Variants in SPATA6 observed in about 807,000 individuals in gnomAD.
The protein encoded by SPATA6 is spermatogenesis-associated protein 6.
SPATA6 carries 56 observed loss-of-function variants against 65.3 expected under a neutral mutation model. That is an observed-to-expected ratio of 0.86 (90% CI 0.69 to 1.07). The LOEUF is 1.07. Ranked by LOEUF, SPATA6 falls within the 50% of genes least tolerant of loss-of-function variation. The probability of loss-of-function intolerance (pLI) is 0.00; values close to 1 mark genes in which losing one functional copy is unlikely to be tolerated. For missense variants in SPATA6, 590 were observed against 594.8 expected, an observed-to-expected ratio of 0.99 and a Z score of 0.08; for synonymous variants, 199 against 213.2, an observed-to-expected ratio of 0.93 and a Z score of 0.58.
At chr1:48,456,022 G>A (rs1656974556) in intron 1 of SPATA6, among the ~76,000 whole-genome samples, 1 of 152,180 alleles carries the variant, frequency 6.6e-6, no homozygotes, top group Admixed American at 6.5e-5. Context: ...TGGCAATTTA[G>A]AAGAGCATGC....
rs996993551 is a variant in SPATA6, at chr1:48,440,256, C to T, written c.238+11296G>A. Among the ~76,000 whole-genome samples, 12 of 152,304 alleles carry T rather than the reference C, an allele frequency of 7.9e-5. No individual in the cohort carries two copies. The South Asian group carries it at 2.5e-3, about 32-fold the overall frequency. On this transcript the variant is annotated intron_variant, in intron 3 of 12. Transcript: ENST00000371847. ...CATGTCCCCTTCTCCCTCTGATTTACAGCAGATCAAGGCAGACCTGGGGAA... is the reference window on the plus strand; with the variant it reads ...CATGTCCCCTTCTCCCTCTGATTTATAGCAGATCAAGGCAGACCTGGGGAA...
At chr1:48,381,662 T>TTA (rs1648614293) in intron 9 of SPATA6, among the ~76,000 whole-genome samples, 1 of 144,324 alleles carries the variant, frequency 6.9e-6, no homozygotes, top group South Asian at 2.2e-4. Context: ...TTTTTTTTTT[T>TTA]TATATGAATA....
At chr1:48,319,046 G>C (rs1439186508) in intron 11 of SPATA6, among the ~76,000 whole-genome samples, 1 of 152,082 alleles carries the variant, frequency 6.6e-6, no homozygotes, top group Non-Finnish European at 1.5e-5. Context: ...ATGGTGCTGT[G>C]ACAACCAGAT....
At chr1:48,413,319 C>A (rs1652445144) in intron 3 of SPATA6, among the ~76,000 whole-genome samples, 168 bp from the exon 4 acceptor site, 1 of 149,154 alleles carries the variant, frequency 6.7e-6, no homozygotes, top group African/African-American at 2.5e-5. Context: ...GAGACAGGGT[C>A]TCACTCTGTC....
At chr1:48,369,285 T>A (rs775293504) in intron 9 of SPATA6, among the ~76,000 whole-genome samples, 36 of 152,202 alleles carry the variant, frequency 2.4e-4, no homozygotes, top group Admixed American at 2.4e-3. Context: ...GATCTCCAGC[T>A]GCGTGCTGGG....
rs571684149 is a variant in SPATA6, at chr1:48,300,800, A to G, written c.1287-1907T>C. 2.0e-5 allele frequency among the ~76,000 whole-genome samples: 3 copies of G among 152,264 alleles called. No individual in the cohort carries two copies. In the South Asian group the frequency reaches 6.2e-4, roughly 32 times the overall value. On this transcript the variant is annotated intron_variant, in intron 12 of 12. Coordinates refer to ENST00000371847, the MANE Select transcript of SPATA6 (RefSeq NM_019073.4). ...TGATACATAATATCAACAGAATTAA[A>G]ACAAAAAAAAAGTATAATCATTTCA... is the stretch of plus-strand genomic sequence containing the variant.
intron 3 of SPATA6, among the ~76,000 whole-genome samples, chr1:48,430,835 A>G (rs997456914): frequency 6.6e-6 from 1 of 152,196 alleles, no homozygotes; most frequent in African/African-American, 2.4e-5. Flanking sequence ...AACTAAACAC[A>G]AAAGAAGACA....
rs181036073 is a variant in SPATA6 at position 48,440,217 on chromosome 1, G to T, written c.238+11335C>A. 7.2e-5 allele frequency among the ~76,000 whole-genome samples: 11 copies of T among 152,152 alleles called. No homozygotes were observed. The East Asian group carries it at 2.1e-3, about 29-fold the overall frequency. Reference sequence around the variant, plus strand: ...CAAGCTGTAGGGGGAGGGTAATCTGGCCCAATCCGGGTACATGTCCCCTTC... The same window carrying T: ...CAAGCTGTAGGGGGAGGGTAATCTGTCCCAATCCGGGTACATGTCCCCTTC... On this transcript the variant is annotated intron_variant, in intron 3 of 12. Coordinates refer to ENST00000371847, the MANE Select transcript of SPATA6 (RefSeq NM_019073.4).
At chr1:48,371,412 TATA>T (rs1331616762) in intron 9 of SPATA6, among the ~76,000 whole-genome samples, 11 of 152,192 alleles carry the variant, frequency 7.2e-5, no homozygotes, top group African/African-American at 2.4e-4. Flanking sequence ...ATTTACTGCA[TATA>T]ATATTTATAT....
rs763728138 is a variant in SPATA6, at chr1:48,453,010, C to A, written c.173G>T (p.Arg58Ile). 6.2e-7 allele frequency: 1 copy of A among 1,613,260 alleles called. No individual in the cohort carries two copies. Among genetic ancestry groups the A allele is most frequent in the South Asian group, 1.1e-5 (1 of 90,828 alleles). ...PATFPLVFNA[R>I]MVFEKVFPDA... ...TGAACTCACCTTTTCAAACACCATT[C>A]TGGCATTGAAGACCAGGGGAAAAGT... is the stretch of plus-strand genomic sequence containing the variant. Residue 58 changes from arginine (R) to isoleucine (I), a missense_variant, in exon 2 of 13, where the codon AGA (arginine) becomes ATA (isoleucine). Arg to Ile is a moderately conservative substitution (Grantham distance 97). Transcript: ENST00000371847.
chr1:48,264,379 T>A, the SPATA6 span, among the ~76,000 whole-genome samples: 3 of 152,194 alleles, frequency 2.0e-5, no homozygotes, highest in Non-Finnish European at 4.4e-5. Context: ...AATCTTTTTT[T>A]GTTGTTATAC....
chr1:48,314,144 T>A (rs1406852410), intron 11 of SPATA6, among the ~76,000 whole-genome samples: 2 of 151,870 alleles, frequency 1.3e-5, no homozygotes, highest in Non-Finnish European at 2.9e-5. Flanking sequence ...AGACACAAAG[T>A]TAACAAGGAT....
At chr1:48,272,159 A>G in the SPATA6 span, among the ~76,000 whole-genome samples, 1 of 152,158 alleles carries the variant, frequency 6.6e-6, no homozygotes, top group Non-Finnish European at 1.5e-5. Flanking sequence ...TAACATATCC[A>G]TCACCTCTAC....
At chr1:48,456,832 G>T (rs894040676) in intron 1 of SPATA6, among the ~76,000 whole-genome samples, 6 of 152,104 alleles carry the variant, frequency 3.9e-5, no homozygotes, top group African/African-American at 1.4e-4. Context: ...TATCCAGTCT[G>T]ATTAACAGAA....
chr1:48,369,582 T>C (rs945820849), intron 9 of SPATA6, among the ~76,000 whole-genome samples: 2 of 152,212 alleles, frequency 1.3e-5, no homozygotes, highest in Admixed American at 6.5e-5. Context: ...CTCCGAGCCA[T>C]GTGTGGGATA....
chr1:48,296,180 T>TA lies in SPATA6; in HGVS notation c.*2532dup, dbSNP rs1413199981. ...CAGGAAAAAAAAAAGGCTAAGAGAATAAACAACTGCACCTTTCTGCTCCTG... is the reference window on the plus strand; with the variant it reads ...CAGGAAAAAAAAAAGGCTAAGAGAATAAAACAACTGCACCTTTCTGCTCCTG... On this transcript the variant is annotated 3_prime_UTR_variant, in exon 13 of 13. Transcript: ENST00000371847. 6.6e-6 allele frequency: 1 copy of TA among 151,664 alleles called. No homozygotes were observed. The highest frequency in any genetic ancestry group is 1.5e-5 in the Non-Finnish European group (1 of 67,908). The allele number at this position is 151,664 out of a possible 1,614,324, so 9.4% of individuals were successfully genotyped here. A position where few individuals can be genotyped will look rare whatever the true frequency, so the allele number is the denominator to read the frequency against.
chr1:48,323,200 A>C (rs889718025), intron 11 of SPATA6, among the ~76,000 whole-genome samples: 1 of 152,208 alleles, frequency 6.6e-6, no homozygotes, highest in Non-Finnish European at 1.5e-5. Context: ...CTGGATTAAG[A>C]AAATGTGGCA....
Position 48,298,723 on chromosome 1 carries a change from T to C in SPATA6, c.1457A>G (p.Glu486Gly). 5.0e-6 allele frequency: 8 copies of C among 1,612,160 alleles called. No homozygotes were observed. The highest frequency in any genetic ancestry group is 6.8e-6 in the Non-Finnish European group (8 of 1,179,164). The stretch of plus-strand genomic sequence containing the variant: ...TTATCATGGATGGTCTCAGAAGCTT[T>C]CCTGTGTATGTGAAGCAGAACTACA... ...KACSSASHTQ[E>G]SF The change falls in exon 13 of 13, where the codon GAA becomes GGA. Residue 486 changes from glutamate (E) to glycine (G), a missense_variant. Glu to Gly is a moderately conservative substitution (Grantham distance 98, BLOSUM62 -2). Coordinates refer to ENST00000371847, the MANE Select transcript of SPATA6 (RefSeq NM_019073.4).
chr1:48,383,422 G>A (rs1224827038), intron 9 of SPATA6, among the ~76,000 whole-genome samples: 1 of 37,754 alleles, frequency 2.6e-5, no homozygotes, highest in Admixed American at 2.9e-4. Flanking sequence ...CAGTAGGGGC[G>A]GCCGGGCAGA....
Sources: gnomAD v4.1 joint callset for allele counts (sites outside exome capture counted in the v4.1 genomes callset) on GRCh38, gnomAD v4.1.1 for gene constraint, MANE v1.5 for transcripts, NCBI Gene and HGNC (gene_info 2026-07-23, HGNC 2026-07-21) for gene names.